The following SENP7 variants were observed in gnomAD, a reference collection of about 807,000 sequenced individuals.
The protein encoded by SENP7 is sentrin-specific protease 7.
A neutral mutation model predicts 141.2 loss-of-function variants in SENP7; 64 were observed. The observed-to-expected ratio is 0.45, with a 90% CI of 0.37 to 0.56. The LOEUF (loss-of-function observed/expected upper bound fraction) is 0.56. Ranked by LOEUF, SENP7 falls within the 20% of genes least tolerant of loss-of-function variation. The probability of loss-of-function intolerance (pLI) is 0.00; values close to 1 mark genes in which losing one functional copy is unlikely to be tolerated. For synonymous variants in SENP7, 382 were observed against 426.4 expected (o/e 0.90, Z 1.28); for missense variants, 1,025 against 1,212.2 (o/e 0.85, Z 2.29).
In SENP7 at chr3:101,347,915, T is replaced by C. The variant is rs1200524108; in HGVS notation, c.1794A>G (p.Gln598=). Residue 598 remains glutamine, a synonymous_variant, in exon 13 of 24, where the codon CAA becomes CAG. Transcript: ENST00000394095. ...LFFWVSSDYL[Q]EIQTQLEHSV... The stretch of plus-strand genomic sequence containing the variant: ...AGTGTTCTAATTGGGTCTGAATCTC[T>C]TGAAGATAATCTGAAGAGACCCAGA... 3 of 1,605,516 alleles carry C rather than the reference T, an allele frequency of 1.9e-6. No homozygotes were observed. Among genetic ancestry groups the C allele is most frequent in the Non-Finnish European group, 2.6e-6 (3 of 1,174,232 alleles).
At chr3:101,506,882 A>G (rs9290403) in intron 1 of SENP7, among the ~76,000 whole-genome samples, 60,317 of 151,904 alleles carry the variant, frequency 0.4, 12,493 homozygotes, top group Admixed American at 0.54. Flanking sequence ...GTGAGACACC[A>G]TCTCTAGAAA....
Position 101,332,083 on chromosome 3 carries a change from C to A in SENP7, c.2600G>T (p.Cys867Phe). The change falls in exon 19 of 24, where the codon TGT (cysteine) becomes TTT (phenylalanine). Residue 867 changes from cysteine to phenylalanine, a missense_variant. Around this residue, in one of 4 missense-constraint regions of SENP7, gnomAD observed 295 missense variants for 459.1 expected, o/e 0.64. Coordinates refer to ENST00000394095, the MANE Select transcript of SENP7 (RefSeq NM_020654.5). ...ESSHWYLAVICFPWLEEAVYE... is the reference protein window; with the variant it reads ...ESSHWYLAVIFFPWLEEAVYE... ...CACAGCTTCTTCTAACCATGGAAAA[C>A]AAATGACTGCGAGATACCAGTGAGA... 1 of 1,613,174 alleles carries A rather than the reference C, an allele frequency of 6.2e-7. No individual in the cohort carries two copies. The highest frequency in any genetic ancestry group is 8.5e-7 in the Non-Finnish European group (1 of 1,179,520).
At chr3:101,391,565 G>A (rs1379054488) in intron 6 of SENP7, among the ~76,000 whole-genome samples, 1 of 152,064 alleles carries the variant, frequency 6.6e-6, no homozygotes, top group East Asian at 1.9e-4. Context: ...GAACATACCA[G>A]TAACAAGCAA....
intron 2 of SENP7, among the ~76,000 whole-genome samples, chr3:101,498,503 T>C (rs888782465): frequency 1.3e-5 from 2 of 152,182 alleles, no homozygotes; most frequent in Non-Finnish European, 2.9e-5. Flanking sequence ...GTGAGAGATA[T>C]TCTACAAAAT....
intron 6 of SENP7, among the ~76,000 whole-genome samples, chr3:101,394,864 T>C (rs933185659): frequency 4.6e-5 from 7 of 152,190 alleles, no homozygotes; most frequent in African/African-American, 1.7e-4. Context: ...TGATATCTCA[T>C]TGTAGTTTTG....
rs768141771 is a variant in SENP7 at position 101,368,014 on chromosome 3, TA to T, written c.797-4del. On this transcript the variant is annotated splice_region_variant and splice_polypyrimidine_tract_variant and intron_variant, in intron 7 of 23. Coordinates refer to ENST00000394095, the MANE Select transcript of SENP7 (RefSeq NM_020654.5). ...ACCTCTACTTCCACTGTTAAGGTCT[TA>T]AAAAACAAATGAAGCATAAATATGG... 1 of 1,593,882 alleles carries T rather than the reference TA, an allele frequency of 6.3e-7. No homozygotes were observed. Among genetic ancestry groups the T allele is most frequent in the Non-Finnish European group, 8.5e-7 (1 of 1,172,848 alleles).
intron 5 of SENP7, among the ~76,000 whole-genome samples, chr3:101,403,795 C>A (rs1049241284): frequency 6.6e-6 from 1 of 152,014 alleles, no homozygotes; most frequent in African/African-American, 2.4e-5. Context: ...AGTGGAGAAC[C>A]AAATCACAAA....
intron 1 of SENP7, among the ~76,000 whole-genome samples, chr3:101,510,843 CAAAAAA>C (rs377579284): frequency 1.4e-4 from 11 of 78,380 alleles, no homozygotes; most frequent in Admixed American, 3.5e-4. Flanking sequence ...GACTCCATCT[CAAAAAA>C]AAAAAAAAAA....
In SENP7 at chr3:101,475,484, A is replaced by G. The variant is rs965435622; in HGVS notation, c.187-16432T>C. ...AAACAAACACCACATGTCCTCACTC[A>G]TAAGTGGGAGTTGAACAATGAGAAC... On this transcript the variant is annotated intron_variant, in intron 3 of 23. Transcript: ENST00000394095. Among the ~76,000 whole-genome samples, 7 of 152,206 alleles carry G rather than the reference A, an allele frequency of 4.6e-5. No homozygotes were observed. The East Asian group carries it at 1.3e-3, about 29-fold the overall frequency.
chr3:101,496,903 C>G (rs1331588596), intron 2 of SENP7, among the ~76,000 whole-genome samples: 1 of 152,164 alleles, frequency 6.6e-6, no homozygotes, highest in Non-Finnish European at 1.5e-5. Context: ...AAATTCAACA[C>G]GTATTAGTAT....
At chr3:101,370,275 G>A in intron 7 of SENP7, among the ~76,000 whole-genome samples, 1 of 152,116 alleles carries the variant, frequency 6.6e-6, no homozygotes, top group East Asian at 1.9e-4. Context: ...TCAATGTGAG[G>A]ACTGTTAGTC....
chr3:101,329,380 C>T (rs1024980670), intron 20 of SENP7, among the ~76,000 whole-genome samples: 3 of 152,016 alleles, frequency 2.0e-5, no homozygotes, highest in East Asian at 1.9e-4. Context: ...ATTTTGCCGC[C>T]GTGACAGCAG....
At chr3:101,420,195 G>C (rs760952543) in intron 4 of SENP7, among the ~76,000 whole-genome samples, 1 of 152,064 alleles carries the variant, frequency 6.6e-6, no homozygotes, top group Non-Finnish European at 1.5e-5. Context: ...GTGAAACCCC[G>C]TCTCTACTAA....
At chr3:101,452,312 G>A (rs957421401) in intron 4 of SENP7, among the ~76,000 whole-genome samples, 1 of 152,164 alleles carries the variant, frequency 6.6e-6, no homozygotes, top group Non-Finnish European at 1.5e-5. Flanking sequence ...TAGATTCAAT[G>A]GCATCCCCAT....
chr3:101,414,924 G>A (rs2107645636), intron 5 of SENP7, among the ~76,000 whole-genome samples: 1 of 152,302 alleles, frequency 6.6e-6, no homozygotes, highest in African/African-American at 2.4e-5. Flanking sequence ...CCTGTAACAG[G>A]CCAGAGCCCT....
chr3:101,431,650 G>T (rs998959027), intron 4 of SENP7, among the ~76,000 whole-genome samples: 3 of 151,634 alleles, frequency 2.0e-5, no homozygotes, highest in Non-Finnish European at 2.9e-5. Flanking sequence ...TGGGTGTGGT[G>T]GCGTGGGTCT....
intron 17 of SENP7, among the ~76,000 whole-genome samples, chr3:101,336,816 C>G (rs907155498): frequency 3.3e-5 from 5 of 152,158 alleles, no homozygotes; most frequent in Non-Finnish European, 7.4e-5. Context: ...AGCCACTGCT[C>G]CACAGTTTTA....
At chr3:101,480,919 G>A (rs2064444537) in intron 3 of SENP7, among the ~76,000 whole-genome samples, 1 of 150,218 alleles carries the variant, frequency 6.7e-6, no homozygotes, top group Admixed American at 6.6e-5. Flanking sequence ...AAACCACAAT[G>A]AGATATCGTC....
At chr3:101,488,388 G>T (rs572674071) in intron 3 of SENP7, among the ~76,000 whole-genome samples, 29 of 152,286 alleles carry the variant, frequency 1.9e-4, no homozygotes, top group African/African-American at 6.7e-4. Context: ...TATAGGTATA[G>T]AAACATTTCA....
Sources: allele counts gnomAD v4.1 joint callset (sites outside exome capture counted in the v4.1 genomes callset), GRCh38; gene constraint gnomAD v4.1.1; regional missense constraint gnomAD v4.1.1; transcripts MANE v1.5; gene names NCBI Gene and HGNC (gene_info 2026-07-23, HGNC 2026-07-21).